MUCL3: variants seen among roughly 807,000 people sequenced by gnomAD.
The protein encoded by MUCL3 is mucin like 3, also known as mucin-like protein 3.
A neutral mutation model predicts 70.2 loss-of-function variants in MUCL3; 42 were observed. The observed-to-expected ratio is 0.60, with a 90% CI of 0.47 to 0.77. The LOEUF is 0.77. Among genes scored for constraint, MUCL3 ranks in the 30% least tolerant of loss-of-function variants. The pLI, the probability that MUCL3 is intolerant of heterozygous loss-of-function variation, is 0.00. For synonymous variants in MUCL3, 522 were observed against 647.0 expected, an observed-to-expected ratio of 0.81 and a Z score of 2.93; for missense variants, 1,429 against 1,670.0, an observed-to-expected ratio of 0.86 and a Z score of 2.52.
Position 30,941,433 on chromosome 6 carries a change from TTTCTTC to T in MUCL3, c.82+373_82+378del, listed in dbSNP as rs1161058683. ...ATTCACAGCTGCTCATGGTGATTTC[TTTCTTC>T]TTCTTCTTCTTCTTCTTCTTTTTTT... On this transcript the variant is annotated intron_variant, in intron 1 of 2. Coordinates refer to ENST00000462446, the MANE Select transcript of MUCL3 (RefSeq NM_080870.4). Among the ~76,000 whole-genome samples the T allele has an allele frequency of 3.8e-4, 51 of 135,428 alleles. 1 individual carries two copies. The highest frequency in any genetic ancestry group is 4.4e-4 in the Non-Finnish European group (28 of 63,970). The allele number at this position is 135,428 out of a possible 152,430, so 88.8% of individuals were successfully genotyped here.
At chr6:30,942,870 G>T (rs1415057588) in intron 1 of MUCL3, among the ~76,000 whole-genome samples, 2 of 152,252 alleles carry the variant, frequency 1.3e-5, no homozygotes, top group East Asian at 3.9e-4. Context: ...CCATGTGGGC[G>T]TGGTCTCGGA....
intron 1 of MUCL3, among the ~76,000 whole-genome samples, 157 bp downstream of exon 1, chr6:30,941,238 C>T (rs1795559782): frequency 6.6e-6 from 1 of 152,170 alleles, no homozygotes; most frequent in Admixed American, 6.5e-5. Flanking sequence ...GGCTAAGGGA[C>T]ATGTAGTAGG....
At position 30,951,682 on chromosome 6, in the gene MUCL3, A is replaced by G; in HGVS notation, c.3218A>G (p.Asn1073Ser). The change falls in exon 2 of 3, where the codon AAT becomes AGT. Residue 1073 changes from asparagine to serine, a missense_variant. By Grantham distance (46) the Asn-to-Ser change is conservative. Coordinates refer to ENST00000462446, the MANE Select transcript of MUCL3 (RefSeq NM_080870.4). ...TEHGEKTTLA[N>S]EKITLSPEGP... ...CATGGAGAAAAGACTACATTGGCCA[A>G]TGAGAAGATCACACTATCCCCAGAA... is the stretch of plus-strand genomic sequence containing the variant. The G allele has an allele frequency of 1.3e-6, 2 of 1,552,344 alleles. No homozygotes were observed. The highest frequency in any genetic ancestry group is 2.4e-5 in the East Asian group (1 of 40,922).
Position 30,952,393 on chromosome 6 carries a change from A to G in MUCL3, c.3929A>G (p.His1310Arg), listed in dbSNP as rs537037983. Reference protein sequence around the residue: ...LNKDGSQKGIHAGQMGENDSF... With the variant: ...LNKDGSQKGIRAGQMGENDSF... ...AAAGATGGCTCACAGAAAGGTATCC[A>G]CGCTGGACAGATGGGAGAGAATGAT... is the stretch of plus-strand genomic sequence containing the variant. The change falls in exon 2 of 3, where the codon CAC becomes CGC. Residue 1310 changes from histidine (H) to arginine (R), a missense_variant. His to Arg is a conservative substitution (Grantham distance 29). Transcript: ENST00000462446. 23 of 1,614,228 alleles carry G rather than the reference A, an allele frequency of 1.4e-5. 1 individual carries two copies. In the South Asian group the frequency reaches 2.4e-4, roughly 17 times the overall value.
rs1392447715 is a variant in MUCL3 at position 30,950,470 on chromosome 6, A to T, written c.2006A>T (p.Asn669Ile). 1 of 1,550,740 alleles carries T rather than the reference A, an allele frequency of 6.4e-7. No individual in the cohort carries two copies. The highest frequency in any genetic ancestry group is 8.7e-7 in the Non-Finnish European group (1 of 1,146,840). The change falls in exon 2 of 3, where the codon AAT (asparagine) becomes ATT (isoleucine). Residue 669 changes from asparagine (N) to isoleucine (I), a missense_variant. Transcript: ENST00000462446. ...ACAGAAAATAGAGAAAGGACAGCCA[A>T]TGAGAAGACCACATCATCCCCAGCA... ...EPTENRERTA[N>I]EKTTSSPAEP...
At position 30,951,342 on chromosome 6, in the gene MUCL3, A is replaced by C; in HGVS notation, c.2878A>C (p.Lys960Gln). 2 of 1,538,524 alleles carry C rather than the reference A, an allele frequency of 1.3e-6. No individual in the cohort carries two copies. Among genetic ancestry groups the C allele is most frequent in the Non-Finnish European group, 1.8e-6 (2 of 1,141,232 alleles). ...TGAGAAGGCCACACCATCCCCAGCA[A>C]AGCCTACAGAACATGGAGAAACGAC... ...ANEKATPSPA[K>Q]PTEHGETTVN... Residue 960 changes from lysine to glutamine, a missense_variant, in exon 2 of 3, where the codon AAG becomes CAG. By Grantham distance (53) the Lys-to-Gln change is moderately conservative. Coordinates refer to ENST00000462446, the MANE Select transcript of MUCL3 (RefSeq NM_080870.4).
In MUCL3 at chr6:30,951,081, A is replaced by C. The variant is rs1760652892; in HGVS notation, c.2617A>C (p.Thr873Pro). 6.4e-7 allele frequency: 1 copy of C among 1,552,004 alleles called. No individual in the cohort carries two copies. The highest frequency in any genetic ancestry group is 8.7e-7 in the Non-Finnish European group (1 of 1,147,088). Reference sequence around the variant, plus strand: ...AGAATGGACAGCCAATGAGAACACCACACTATCCCCAGCAGAGCCTACAGA... The same window carrying C: ...AGAATGGACAGCCAATGAGAACACCCCACTATCCCCAGCAGAGCCTACAGA... ...NREWTANENTTLSPAEPTEHE... is the reference protein window; with the variant it reads ...NREWTANENTPLSPAEPTEHE... The change falls in exon 2 of 3, where the codon ACA becomes CCA. Residue 873 changes from threonine to proline, a missense_variant. Physicochemically the swap from Thr to Pro is conservative, Grantham distance 38. Transcript: ENST00000462446.
At chr6:30,944,535 A>G (rs1393948232) in intron 1 of MUCL3, among the ~76,000 whole-genome samples, 1 of 152,202 alleles carries the variant, frequency 6.6e-6, no homozygotes, top group Non-Finnish European at 1.5e-5. Flanking sequence ...ATGGCCTCCC[A>G]AAGTGTTGGG....
chr6:30,941,453 TC>T (rs981772600), intron 1 of MUCL3, among the ~76,000 whole-genome samples: 12 of 106,234 alleles, frequency 1.1e-4, no homozygotes, highest in Non-Finnish European at 2.1e-4. Context: ...TTCTTCTTCT[TC>T]TTCTTTTTTT....
chr6:30,950,262 G>C lies in MUCL3; in HGVS notation c.1798G>C (p.Glu600Gln). 4 of 1,549,432 alleles carry C rather than the reference G, an allele frequency of 2.6e-6. No homozygotes were observed. Among genetic ancestry groups the C allele is most frequent in the Non-Finnish European group, 3.5e-6 (4 of 1,146,750 alleles). The stretch of plus-strand genomic sequence containing the variant: ...TGAGAAGACCACATCATCCTCAGCA[G>C]AGCCTACAGAACACGAAGAAAGGAC... Reference protein sequence around the residue: ...ANEKTTSSSAEPTEHEERTPL... With the variant: ...ANEKTTSSSAQPTEHEERTPL... Residue 600 changes from glutamate to glutamine, a missense_variant, in exon 2 of 3, where the codon GAG (glutamate) becomes CAG (glutamine). Physicochemically the swap from Glu to Gln is conservative, Grantham distance 29. Coordinates refer to ENST00000462446, the MANE Select transcript of MUCL3 (RefSeq NM_080870.4).
At chr6:30,941,489 T>C (rs1479733046) in intron 1 of MUCL3, among the ~76,000 whole-genome samples, 3 of 148,742 alleles carry the variant, frequency 2.0e-5, no homozygotes, top group Admixed American at 6.7e-5. Flanking sequence ...AGAAGGAGTC[T>C]TGCTCTGTTG....
chr6:30,947,842 T>C (rs1221163079), intron 1 of MUCL3, among the ~76,000 whole-genome samples: 1 of 152,104 alleles, frequency 6.6e-6, no homozygotes, highest in Non-Finnish European at 1.5e-5. Context: ...ATCACCGAAA[T>C]GAAAGCTTCC....
chr6:30,953,018 G>A lies in MUCL3; in HGVS notation c.4083G>A (p.Gln1361=). The change falls in exon 3 of 3, where the codon CAG becomes CAA. Residue 1361 remains glutamine (Q), a synonymous_variant. Transcript: ENST00000462446. Reference sequence around the variant, plus strand: ...GCCGCACACTAACCCAGAACACCCAGTACAATGATGCAGAGGATGAGGGTG... The same window carrying A: ...GCCGCACACTAACCCAGAACACCCAATACAATGATGCAGAGGATGAGGGTG... ...RTRRTLTQNT[Q]YNDAEDEGGP... The A allele has an allele frequency of 6.2e-7, 1 of 1,614,250 alleles. No homozygotes were observed. Among genetic ancestry groups the A allele is most frequent in the Non-Finnish European group, 8.5e-7 (1 of 1,180,040 alleles).
In MUCL3 at chr6:30,953,090, C is replaced by T; in HGVS notation, c.4155C>T (p.Gly1385=). The T allele has an allele frequency of 6.2e-7, 1 of 1,614,238 alleles. No individual in the cohort carries two copies. Among genetic ancestry groups the T allele is most frequent in the Non-Finnish European group, 8.5e-7 (1 of 1,180,044 alleles). ...ACCTGATGGAGCAGCAGAATCTTGG[C>T]ATGGGCCAGATCCCTTCCCCACGGT... ...PVYLMEQQNL[G]MGQIPSPR is the part of the protein sequence containing the mutation. Residue 1385 remains glycine (G), a synonymous_variant, in exon 3 of 3, where the codon GGC becomes GGT. Coordinates refer to ENST00000462446, the MANE Select transcript of MUCL3 (RefSeq NM_080870.4).
At chr6:30,941,459 T>TCTTCTTC (rs537884819) in intron 1 of MUCL3, among the ~76,000 whole-genome samples, 1 of 36,440 alleles carries the variant, frequency 2.7e-5, no homozygotes, top group South Asian at 9.9e-4. Flanking sequence ...TTCTTCTTCT[T>TCTTCTTC]TTTTTTTTTT....
In MUCL3 at chr6:30,948,600, C is replaced by T. The variant is rs1365114968; in HGVS notation, c.136C>T (p.His46Tyr). ...QKTGELSTSDHIFPLTPGLVY... is the reference protein window; with the variant it reads ...QKTGELSTSDYIFPLTPGLVY... ...AACTGGGGAACTCTCAACATCCGAT[C>T]ACATATTTCCCCTCACTCCAGGCCT... is the stretch of plus-strand genomic sequence containing the variant. The change falls in exon 2 of 3, where the codon CAC (histidine) becomes TAC (tyrosine). Residue 46 changes from histidine to tyrosine, a missense_variant. Physicochemically the swap from His to Tyr is moderately conservative, Grantham distance 83. Coordinates refer to ENST00000462446, the MANE Select transcript of MUCL3 (RefSeq NM_080870.4). The T allele has an allele frequency of 1.9e-6, 3 of 1,548,344 alleles. No homozygotes were observed. Among genetic ancestry groups the T allele is most frequent in the Non-Finnish European group, 1.7e-6 (2 of 1,146,032 alleles).
chr6:30,950,524 C>T lies in MUCL3; in HGVS notation c.2060C>T (p.Pro687Leu), dbSNP rs1582262568. 4 of 1,549,748 alleles carry T rather than the reference C, an allele frequency of 2.6e-6. No homozygotes were observed. The East Asian group carries it at 9.8e-5, about 38-fold the overall frequency. ...CCTACAGAAAATGGACAAAGGACCCCATTTGCCAATGAGAAAACCACATCA... is the reference window on the plus strand; with the variant it reads ...CCTACAGAAAATGGACAAAGGACCCTATTTGCCAATGAGAAAACCACATCA... ...AEPTENGQRT[P>L]FANEKTTSSS... The change falls in exon 2 of 3, where the codon CCA (proline) becomes CTA (leucine). Residue 687 changes from proline to leucine, a missense_variant. Coordinates refer to ENST00000462446, the MANE Select transcript of MUCL3 (RefSeq NM_080870.4).
chr6:30,952,885 T>G, intron 2 of MUCL3, 86 bp from the exon 3 acceptor site: 169 of 1,514,238 alleles, frequency 1.1e-4, no homozygotes, highest in Non-Finnish European at 1.4e-4. Context: ...GATGGAATCT[T>G]GAGAATAGAA....
At chr6:30,942,853 G>T (rs1468837926) in intron 1 of MUCL3, among the ~76,000 whole-genome samples, 2 of 152,146 alleles carry the variant, frequency 1.3e-5, no homozygotes, top group African/African-American at 2.4e-5. Context: ...CTGAGATTCC[G>T]ATGGGGCCAT....
Sources: allele counts gnomAD v4.1 joint callset (sites outside exome capture counted in the v4.1 genomes callset), GRCh38; gene constraint gnomAD v4.1.1; transcripts MANE v1.5; gene names NCBI Gene and HGNC (gene_info 2026-07-23, HGNC 2026-07-21).